SYNPO2: variants seen among roughly 807,000 people sequenced by gnomAD.
The protein encoded by SYNPO2 is synaptopodin 2, also known as synaptopodin-2.
In SYNPO2, 56 loss-of-function variants were observed where a neutral mutation model predicts 85.0. That is an observed-to-expected ratio of 0.66 (90% CI 0.53 to 0.82). The LOEUF is 0.82. Ranked by LOEUF, SYNPO2 falls within the 40% of genes least tolerant of loss-of-function variation. The probability of loss-of-function intolerance (pLI) is 0.00; values close to 1 mark genes in which losing one functional copy is unlikely to be tolerated. For missense variants in SYNPO2, 1,575 were observed against 1,534.2 expected, an observed-to-expected ratio of 1.03 and a Z score of -0.44; for synonymous variants, 602 against 591.1, an observed-to-expected ratio of 1.02 and a Z score of -0.27.
At chr4:118,989,906 G>A (rs746784264) in intron 1 of SYNPO2, among the ~76,000 whole-genome samples, 1 of 152,194 alleles carries the variant, frequency 6.6e-6, no homozygotes, top group African/African-American at 2.4e-5. Context: ...TCAGTAGACC[G>A]ATCCACTTCA....
chr4:118,966,397 A>G (rs1399306795), intron 1 of SYNPO2, among the ~76,000 whole-genome samples: 1 of 152,086 alleles, frequency 6.6e-6, no homozygotes, highest in Non-Finnish European at 1.5e-5. Flanking sequence ...CGATAGATAG[A>G]ATAGGCTTGT....
chr4:118,890,973 T>C (rs576678453), intron 1 of SYNPO2, among the ~76,000 whole-genome samples: 21 of 151,444 alleles, frequency 1.4e-4, no homozygotes, highest in Admixed American at 2.6e-4. Flanking sequence ...AAGAATAGAG[T>C]GGGTAGTGGG....
intron 1 of SYNPO2, among the ~76,000 whole-genome samples, chr4:118,873,549 T>C (rs1731842126): frequency 6.6e-6 from 1 of 152,190 alleles, no homozygotes; most frequent in African/African-American, 2.4e-5. Flanking sequence ...AATGGGATTA[T>C]TATTATTTGC....
intron 1 of SYNPO2, among the ~76,000 whole-genome samples, chr4:118,852,589 G>C (rs1241502029): frequency 1.3e-5 from 2 of 152,118 alleles, no homozygotes; most frequent in Non-Finnish European, 2.9e-5. Context: ...GATGAATCTG[G>C]AGGCCATTAT....
chr4:118,871,194 T>C (rs1424730834), intron 1 of SYNPO2, among the ~76,000 whole-genome samples: 1 of 152,212 alleles, frequency 6.6e-6, no homozygotes, highest in African/African-American at 2.4e-5. Flanking sequence ...ACATGACAGA[T>C]AGCTTTCCTT....
chr4:119,044,985 T>C (rs1260700872), intron 4 of SYNPO2, among the ~76,000 whole-genome samples: 3 of 152,230 alleles, frequency 2.0e-5, no homozygotes, highest in Admixed American at 2.0e-4. Context: ...AGGATGCTTC[T>C]AAACACATCA....
chr4:118,975,183 G>A (rs1702058055), intron 1 of SYNPO2, among the ~76,000 whole-genome samples: 1 of 152,082 alleles, frequency 6.6e-6, no homozygotes, highest in African/African-American at 2.4e-5. Context: ...TTATCTTATG[G>A]GCCACATATC....
intron 3 of SYNPO2, among the ~76,000 whole-genome samples, chr4:119,029,277 T>C (rs1738110582): frequency 6.6e-6 from 1 of 152,056 alleles, no homozygotes; most frequent in Non-Finnish European, 1.5e-5. Flanking sequence ...GTGGAAAGAT[T>C]TGGGGTGGTT....
chr4:118,992,539 A>G lies in SYNPO2; in HGVS notation c.106-30891A>G, dbSNP rs183972663. ...TATACTCATAAAAGTGAAAGTGACA[A>G]TGCCTTATTATTATTAGGAAATAGT... On this transcript the variant is annotated intron_variant, in intron 1 of 4. Coordinates refer to ENST00000307142, the MANE Select transcript of SYNPO2 (RefSeq NM_133477.3). Among the ~76,000 whole-genome samples, 251 of 152,224 alleles carry G rather than the reference A, an allele frequency of 1.6e-3. 3 individuals carry two copies. The highest frequency in any genetic ancestry group is 3.4e-3 in the Middle Eastern group (1 of 294).
At position 118,982,864 on chromosome 4, in the gene SYNPO2, T is replaced by A. The variant is rs1436625026; in HGVS notation, c.106-40566T>A. 1.3e-5 allele frequency among the ~76,000 whole-genome samples: 2 copies of A among 152,184 alleles called. 1 individual carries two copies. The highest frequency in any genetic ancestry group is 1.3e-4 in the Admixed American group (2 of 15,282). On this transcript the variant is annotated intron_variant, in intron 1 of 4. Transcript: ENST00000307142. The stretch of plus-strand genomic sequence containing the variant: ...ACATTTCCCAGATTGTCCAAAGAGG[T>A]CAAACTCTTAATGTTAAGCACAGTT...
intron 1 of SYNPO2, among the ~76,000 whole-genome samples, chr4:118,989,541 G>A (rs1327733374): frequency 6.6e-6 from 1 of 152,218 alleles, no homozygotes; most frequent in Non-Finnish European, 1.5e-5. Context: ...ATCTGACAGA[G>A]TCACGGACTC....
chr4:118,856,628 C>T (rs1731511278), intron 1 of SYNPO2, among the ~76,000 whole-genome samples: 2 of 152,040 alleles, frequency 1.3e-5, no homozygotes, highest in African/African-American at 4.8e-5. Flanking sequence ...ATCCTTCCAC[C>T]TCTGCCTCCT....
chr4:118,998,470 T>A (rs1736700177), intron 1 of SYNPO2, among the ~76,000 whole-genome samples: 3 of 152,214 alleles, frequency 2.0e-5, no homozygotes, highest in African/African-American at 2.4e-5. Flanking sequence ...AATTCTTGCT[T>A]CTTAGGAGCC....
At chr4:119,011,514 T>C (rs1212897805) in intron 1 of SYNPO2, among the ~76,000 whole-genome samples, 1 of 152,158 alleles carries the variant, frequency 6.6e-6, no homozygotes, top group Non-Finnish European at 1.5e-5. Flanking sequence ...CAACATTCAA[T>C]GGGAGCAAAT....
At chr4:118,999,930 G>A (rs1736763623) in intron 1 of SYNPO2, among the ~76,000 whole-genome samples, 1 of 152,178 alleles carries the variant, frequency 6.6e-6, no homozygotes, top group African/African-American at 2.4e-5. Flanking sequence ...GAAGTCATTT[G>A]TTCTCTGAAG....
intron 1 of SYNPO2, among the ~76,000 whole-genome samples, chr4:118,982,667 C>T (rs545759260): frequency 2.0e-5 from 3 of 152,186 alleles, no homozygotes; most frequent in Non-Finnish European, 4.4e-5. Flanking sequence ...TGCTAATAAA[C>T]TGATCAGCCT....
intron 4 of SYNPO2, among the ~76,000 whole-genome samples, chr4:119,047,427 C>G (rs1017591020): frequency 6.6e-6 from 1 of 152,150 alleles, no homozygotes; most frequent in African/African-American, 2.4e-5. Context: ...TTTATTAGTC[C>G]TGATTATGTG....
In SYNPO2 at chr4:119,026,899, G is replaced by A. The variant is rs150550402; in HGVS notation, c.530G>A (p.Arg177His). The A allele has an allele frequency of 1.9e-6, 3 of 1,614,142 alleles. No homozygotes were observed. The highest frequency in any genetic ancestry group is 1.6e-4 in the Middle Eastern group (1 of 6,062). The stretch of plus-strand genomic sequence containing the variant: ...CAAATGCCTGACTCCCAAAGAGGAC[G>A]CGTGGCAGAAGAGCTGATCTTAAGG... ...APQMPDSQRG[R>H]VAEELILREK... Residue 177 changes from arginine to histidine, a missense_variant, in exon 3 of 5, where the codon CGC becomes CAC. By Grantham distance (29) the Arg-to-His change is conservative. Coordinates refer to ENST00000307142, the MANE Select transcript of SYNPO2 (RefSeq NM_133477.3).
At chr4:118,873,303 T>C (rs1223506718) in intron 1 of SYNPO2, among the ~76,000 whole-genome samples, 1 of 152,224 alleles carries the variant, frequency 6.6e-6, no homozygotes, top group African/African-American at 2.4e-5. Flanking sequence ...CTAATTTACA[T>C]TTTCACCAAC....
Sources: allele counts gnomAD v4.1 joint callset (sites outside exome capture counted in the v4.1 genomes callset), GRCh38; gene constraint gnomAD v4.1.1; transcripts MANE v1.5; gene names NCBI Gene and HGNC (gene_info 2026-07-23, HGNC 2026-07-21).